Variants in SDK1 observed in about 807,000 individuals in gnomAD.
SDK1 encodes the protein sidekick cell adhesion molecule 1.
SDK1 carries 157 observed loss-of-function variants against 245.5 expected under a neutral mutation model. That is an observed-to-expected ratio of 0.64 (90% CI 0.56 to 0.73). SDK1 has a LOEUF of 0.73. Ranked by LOEUF, SDK1 falls within the 30% of genes least tolerant of loss-of-function variation. The pLI is 0.00. For missense variants in SDK1, 3,583 were observed against 3,002.3 expected (o/e 1.19, Z -4.52); for synonymous variants, 1,647 against 1,278.5 (o/e 1.29, Z -6.15).
intron 1 of SDK1, among the ~76,000 whole-genome samples, chr7:3,327,392 C>G (rs1313180350): frequency 6.6e-6 from 1 of 152,018 alleles, no homozygotes; most frequent in Non-Finnish European, 1.5e-5. Flanking sequence ...GGCTGCTTAG[C>G]TTTTATTGAT....
chr7:3,742,298 A>G (rs1779500285), intron 4 of SDK1, among the ~76,000 whole-genome samples: 1 of 152,092 alleles, frequency 6.6e-6, no homozygotes, highest in South Asian at 2.1e-4. Flanking sequence ...TGAGCTGAAA[A>G]CAGTTAAGAA....
chr7:3,457,556 T>C (rs1416155396), intron 1 of SDK1, among the ~76,000 whole-genome samples: 2 of 152,202 alleles, frequency 1.3e-5, no homozygotes, highest in African/African-American at 4.8e-5. Flanking sequence ...AGCTCCTCTC[T>C]TTCCAGGTTT....
chr7:3,906,507 G>A (rs1187079706), intron 5 of SDK1, among the ~76,000 whole-genome samples: 1 of 150,832 alleles, frequency 6.6e-6, no homozygotes, highest in Non-Finnish European at 1.5e-5. Flanking sequence ...CCATCAAATG[G>A]TTTCACCTCT....
At chr7:3,920,313 T>G (rs1488546860) in intron 5 of SDK1, among the ~76,000 whole-genome samples, 1 of 151,966 alleles carries the variant, frequency 6.6e-6, no homozygotes, top group African/African-American at 2.4e-5. Flanking sequence ...GAAGGAAAGA[T>G]TTGCAGTCTT....
At chr7:3,563,935 A>G (rs1311450776) in intron 1 of SDK1, among the ~76,000 whole-genome samples, 2 of 152,010 alleles carry the variant, frequency 1.3e-5, no homozygotes, top group East Asian at 3.9e-4. Context: ...TACAAATTAA[A>G]TAACATATTT....
intron 1 of SDK1, among the ~76,000 whole-genome samples, chr7:3,521,617 G>C (rs1782944047): frequency 6.6e-6 from 1 of 152,142 alleles, no homozygotes; most frequent in African/African-American, 2.4e-5. Context: ...GCCTTATAGA[G>C]GAGGAAGCAC....
chr7:3,691,944 TC>T (rs973648527), intron 4 of SDK1, among the ~76,000 whole-genome samples: 3 of 152,176 alleles, frequency 2.0e-5, no homozygotes, highest in Non-Finnish European at 4.4e-5. Flanking sequence ...ACCTTGCTTT[TC>T]CACTCCCCTC....
Position 3,480,338 on chromosome 7 carries a change from C to T in SDK1, c.299-138742C>T, listed in dbSNP as rs568949099. Among the ~76,000 whole-genome samples, 14 of 152,292 alleles carry T rather than the reference C, an allele frequency of 9.2e-5. No homozygotes were observed. The East Asian group carries it at 1.9e-3, about 21-fold the overall frequency. On this transcript the variant is annotated intron_variant, in intron 1 of 44. Coordinates refer to ENST00000404826, the MANE Select transcript of SDK1 (RefSeq NM_152744.4). Reference sequence around the variant, plus strand: ...TGGAGCCGCGAGGCCATGAAGAAGGCGCCCTCGTGCACATATGCTCATGTA... The same window carrying T: ...TGGAGCCGCGAGGCCATGAAGAAGGTGCCCTCGTGCACATATGCTCATGTA...
intron 1 of SDK1, among the ~76,000 whole-genome samples, chr7:3,321,837 C>CCTT (rs1477574355): frequency 1.6e-5 from 2 of 125,260 alleles, no homozygotes; most frequent in African/African-American, 7.1e-5. Flanking sequence ...TCCTCCTTTT[C>CCTT]TCTCTCTCTC....
Position 3,975,027 on chromosome 7 carries a change from C to G in SDK1, c.1994+482C>G, listed in dbSNP as rs550475920. On this transcript the variant is annotated intron_variant, in intron 13 of 44. Coordinates refer to ENST00000404826, the MANE Select transcript of SDK1 (RefSeq NM_152744.4). ...GGTAAATAGATACTTTAAGTTAAGT[C>G]TTGTGAAATCTTGAAAACAGAAAGC... 3.3e-5 allele frequency among the ~76,000 whole-genome samples: 5 copies of G among 152,168 alleles called. No individual in the cohort carries two copies. The East Asian group carries it at 7.7e-4, about 24-fold the overall frequency.
intron 4 of SDK1, among the ~76,000 whole-genome samples, chr7:3,704,866 A>G (rs1784839271): frequency 6.6e-6 from 1 of 152,222 alleles, no homozygotes; most frequent in Admixed American, 6.5e-5. Flanking sequence ...ATTTTTGAAT[A>G]AGGTAAGAGA....
At chr7:3,635,292 T>C (rs954089522) in intron 2 of SDK1, among the ~76,000 whole-genome samples, 17 of 152,342 alleles carry the variant, frequency 1.1e-4, no homozygotes, top group African/African-American at 4.8e-5. Flanking sequence ...TATAAAAGAT[T>C]TTATTAATCC....
intron 32 of SDK1, among the ~76,000 whole-genome samples, chr7:4,166,216 G>C (rs1023955073): frequency 1.3e-5 from 2 of 152,244 alleles, no homozygotes; most frequent in Non-Finnish European, 2.9e-5. Context: ...GGCAAAGGCA[G>C]GGAGGCATCC....
intron 21 of SDK1, among the ~76,000 whole-genome samples, chr7:4,077,932 C>T (rs77507323): frequency 0.032 from 4,835 of 152,224 alleles, 117 homozygotes; most frequent in Admixed American, 0.054. Flanking sequence ...GTATATATAG[C>T]GACCAAGGTT....
At chr7:4,016,131 G>C (rs907415600) in intron 16 of SDK1, among the ~76,000 whole-genome samples, 2 of 152,220 alleles carry the variant, frequency 1.3e-5, no homozygotes, top group African/African-American at 4.8e-5. Flanking sequence ...CCCTGCCCGC[G>C]TGGGACCACA....
chr7:3,846,484 G>A (rs780694576), intron 5 of SDK1, among the ~76,000 whole-genome samples: 12 of 152,282 alleles, frequency 7.9e-5, no homozygotes, highest in Non-Finnish European at 1.8e-4. Context: ...AGGCTTTACT[G>A]CGGACTGCCT....
At chr7:3,522,919 T>C (rs1782991206) in intron 1 of SDK1, among the ~76,000 whole-genome samples, 1 of 152,282 alleles carries the variant, frequency 6.6e-6, no homozygotes, top group Admixed American at 6.5e-5. Flanking sequence ...AGTAGCATTT[T>C]AGACATGATT....
intron 1 of SDK1, among the ~76,000 whole-genome samples, chr7:3,350,282 C>T (rs1026448729): frequency 2.0e-5 from 3 of 151,758 alleles, no homozygotes; most frequent in African/African-American, 7.2e-5. Context: ...TTATCAGTGT[C>T]TGTGTGGGCG....
At chr7:3,935,742 AC>A (rs1247362817) in intron 5 of SDK1, among the ~76,000 whole-genome samples, 1 of 152,254 alleles carries the variant, frequency 6.6e-6, no homozygotes, top group Non-Finnish European at 1.5e-5. Context: ...ACAGAAAGTA[AC>A]AAGTGTTGGC....
Sources: allele counts gnomAD v4.1 joint callset (sites outside exome capture counted in the v4.1 genomes callset), GRCh38; gene constraint gnomAD v4.1.1; transcripts MANE v1.5; gene names NCBI Gene and HGNC (gene_info 2026-07-23, HGNC 2026-07-21).